The following ZMYM4 variants were observed in gnomAD, a reference collection of about 807,000 sequenced individuals.
ZMYM4 encodes the protein zinc finger MYM-type containing 4.
Under a neutral mutation model 183.2 loss-of-function variants are expected in ZMYM4, and 31 were observed. The observed-to-expected ratio is 0.17, with a 90% CI of 0.13 to 0.23. The LOEUF (loss-of-function observed/expected upper bound fraction) is 0.23. ZMYM4 is among the 10% of genes least tolerant of loss of function. The pLI is 1.00. For synonymous variants in ZMYM4, 592 were observed against 631.2 expected (o/e 0.94, Z 0.93); for missense variants, 1,273 against 1,840.3 (o/e 0.69, Z 5.64).
At chr1:35,328,454 ATT>A (rs754078160) in intron 2 of ZMYM4, among the ~76,000 whole-genome samples, 2,807 of 116,992 alleles carry the variant, frequency 0.024, 69 homozygotes, top group East Asian at 0.19. Flanking sequence ...TAATTTTTTA[ATT>A]TTTTTTTTTT....
At chr1:35,318,480 C>T (rs748681989) in intron 1 of ZMYM4, among the ~76,000 whole-genome samples, 2 of 151,956 alleles carry the variant, frequency 1.3e-5, no homozygotes, top group African/African-American at 2.4e-5. Flanking sequence ...TAATTTGAGG[C>T]GAAGTCTCGC....
At chr1:35,334,334 C>T (rs932045825) in intron 2 of ZMYM4, among the ~76,000 whole-genome samples, 1 of 152,022 alleles carries the variant, frequency 6.6e-6, no homozygotes, top group Admixed American at 6.6e-5. Context: ...AATAAAAAAG[C>T]ACTTTAATAC....
At chr1:35,392,626 T>C in intron 16 of ZMYM4, 21 bp from the exon 17 acceptor site, 2 of 1,581,228 alleles carry the variant, frequency 1.3e-6, no homozygotes, top group South Asian at 2.3e-5. Context: ...ATCCTAAATT[T>C]ATGTTTTAAT....
intron 1 of ZMYM4, among the ~76,000 whole-genome samples, chr1:35,271,292 A>T (rs1639585883): frequency 6.6e-6 from 1 of 151,968 alleles, no homozygotes; most frequent in Non-Finnish European, 1.5e-5. Flanking sequence ...TTTTAAATAT[A>T]TTCTGCCTCT....
chr1:35,311,582 G>A (rs1436489064), intron 1 of ZMYM4, among the ~76,000 whole-genome samples: 1 of 151,972 alleles, frequency 6.6e-6, no homozygotes, highest in East Asian at 1.9e-4. Context: ...CCTAGTCTGG[G>A]TGACAGAGGG....
At chr1:35,317,020 G>T (rs1642074841) in intron 1 of ZMYM4, among the ~76,000 whole-genome samples, 1 of 151,980 alleles carries the variant, frequency 6.6e-6, no homozygotes, top group Admixed American at 6.6e-5. Context: ...TACTTGGGAG[G>T]CTGAGGCAGG....
At chr1:35,352,403 C>T (rs1643660997) in intron 2 of ZMYM4, among the ~76,000 whole-genome samples, 1 of 151,900 alleles carries the variant, frequency 6.6e-6, no homozygotes, top group South Asian at 2.1e-4. Flanking sequence ...CACACACACA[C>T]ACACACACAC....
At chr1:35,379,945 C>T (rs1216947681) in intron 7 of ZMYM4, among the ~76,000 whole-genome samples, 2 of 152,156 alleles carry the variant, frequency 1.3e-5, no homozygotes, top group Non-Finnish European at 2.9e-5. Flanking sequence ...CATCAGTGTT[C>T]ACTAATCATA....
chr1:35,406,740 T>G (rs959128952), intron 25 of ZMYM4, among the ~76,000 whole-genome samples: 1 of 152,168 alleles, frequency 6.6e-6, no homozygotes, highest in East Asian at 1.9e-4. Context: ...GGTGCTCTCA[T>G]GAGATACGGC....
At chr1:35,371,092 T>C (rs1271517927) in intron 7 of ZMYM4, among the ~76,000 whole-genome samples, 4 of 127,392 alleles carry the variant, frequency 3.1e-5, no homozygotes, top group Non-Finnish European at 4.9e-5. Flanking sequence ...TGTGTGTGTG[T>C]GTGTGTGTGT....
At chr1:35,313,497 T>C (rs922068186) in intron 1 of ZMYM4, among the ~76,000 whole-genome samples, 1 of 151,398 alleles carries the variant, frequency 6.6e-6, no homozygotes, top group African/African-American at 2.4e-5. Context: ...CAAATGATTC[T>C]TGTGCCTCAG....
intron 23 of ZMYM4, among the ~76,000 whole-genome samples, chr1:35,402,407 G>A (rs1224572814): frequency 6.6e-6 from 1 of 152,136 alleles, no homozygotes; most frequent in Non-Finnish European, 1.5e-5. Context: ...TTTGAGCCCA[G>A]GAGTTTGAGA....
At chr1:35,398,359 G>T in intron 20 of ZMYM4, 54 bp from the exon 21 acceptor site, 1 of 1,476,260 alleles carries the variant, frequency 6.8e-7, no homozygotes, top group South Asian at 1.2e-5. Context: ...TTTCATTTGA[G>T]ATATAATTTG....
At position 35,398,604 on chromosome 1, in the gene ZMYM4, A is replaced by G. The variant is rs1277915200; in HGVS notation, c.3253+138A>G. On this transcript the variant is annotated intron_variant, in intron 21 of 29. Transcript: ENST00000314607. The stretch of plus-strand genomic sequence containing the variant: ...GTATCAGATGTATATGAAGTGTACT[A>G]ATTTGTAGTGAGAATAATAAAAGCC... 8.3e-6 allele frequency: 7 copies of G among 840,862 alleles called. No homozygotes were observed. The East Asian group carries it at 1.9e-4, about 22-fold the overall frequency. 52.1% of individuals were successfully genotyped at this position (840,862 alleles called of 1,614,324 possible).
chr1:35,368,428 A>G (rs1365393166), intron 5 of ZMYM4, among the ~76,000 whole-genome samples: 1 of 152,250 alleles, frequency 6.6e-6, no homozygotes, highest in Non-Finnish European at 1.5e-5. Context: ...ATTTTAACTT[A>G]ACGTACATAT....
At chr1:35,366,739 C>T (rs897026704) in intron 5 of ZMYM4, among the ~76,000 whole-genome samples, 9 of 152,100 alleles carry the variant, frequency 5.9e-5, no homozygotes, top group Admixed American at 3.9e-4. Flanking sequence ...AGGCCAGGTG[C>T]GGTGGCTCAC....
intron 2 of ZMYM4, among the ~76,000 whole-genome samples, chr1:35,339,200 TACAATATAACA>T (rs1643098608): frequency 6.6e-6 from 1 of 152,168 alleles, no homozygotes; most frequent in Non-Finnish European, 1.5e-5. Flanking sequence ...CCCTAAACAA[TACAATATAACA>T]ACTATTTACA....
At chr1:35,307,476 T>A (rs567262534) in intron 1 of ZMYM4, among the ~76,000 whole-genome samples, 3 of 150,750 alleles carry the variant, frequency 2.0e-5, no homozygotes, top group Admixed American at 6.6e-5. Context: ...TGCAGTACTT[T>A]AAAAAAAAAT....
chr1:35,385,254 A>G (rs1644551559), intron 9 of ZMYM4, among the ~76,000 whole-genome samples, 188 bp from the exon 10 acceptor site: 1 of 152,254 alleles, frequency 6.6e-6, no homozygotes, highest in Non-Finnish European at 1.5e-5. Context: ...ACATACATGC[A>G]TCATACACAA....
Sources: gnomAD v4.1 joint callset for allele counts (sites outside exome capture counted in the v4.1 genomes callset) on GRCh38, gnomAD v4.1.1 for gene constraint, MANE v1.5 for transcripts, NCBI Gene and HGNC (gene_info 2026-07-23, HGNC 2026-07-21) for gene names.